The following TNIK variants were observed in gnomAD, a reference collection of about 807,000 sequenced individuals.
TNIK encodes TRAF2 and NCK-interacting protein kinase.
Under a neutral mutation model 191.3 loss-of-function variants are expected in TNIK, and 49 were observed. That is an observed-to-expected ratio of 0.26 (90% CI 0.20 to 0.32). The LOEUF (loss-of-function observed/expected upper bound fraction) is 0.32. Ranked by LOEUF, TNIK falls within the 10% of genes least tolerant of loss-of-function variation. TNIK has a pLI of 1.00. For missense variants in TNIK, 1,155 were observed against 1,702.3 expected, an observed-to-expected ratio of 0.68 and a Z score of 5.66; for synonymous variants, 594 against 600.9, an observed-to-expected ratio of 0.99 and a Z score of 0.17.
chr3:171,146,966 C>T (rs1271617058), intron 12 of TNIK, among the ~76,000 whole-genome samples: 1 of 150,632 alleles, frequency 6.6e-6, no homozygotes, highest in East Asian at 2.0e-4. Flanking sequence ...TTCAGCTAAA[C>T]TTTCAATGAG....
At chr3:171,171,093 A>G (rs1315441864) in intron 9 of TNIK, among the ~76,000 whole-genome samples, 2 of 152,174 alleles carry the variant, frequency 1.3e-5, no homozygotes, top group African/African-American at 4.8e-5. Context: ...CTAAGTAAAC[A>G]TAGAGTTCTT....
intron 19 of TNIK, among the ~76,000 whole-genome samples, chr3:171,108,474 C>A (rs191533085): frequency 1.3e-5 from 2 of 152,184 alleles, no homozygotes; most frequent in African/African-American, 4.8e-5. Context: ...CTCATTTAAT[C>A]CTCACTCCAA....
intron 1 of TNIK, among the ~76,000 whole-genome samples, chr3:171,386,764 A>T (rs1397244028): frequency 6.6e-6 from 1 of 152,226 alleles, no homozygotes; most frequent in Non-Finnish European, 1.5e-5. Flanking sequence ...GTCAAGTATC[A>T]TTCACATCCA....
chr3:171,307,905 C>A (rs1294882031), intron 2 of TNIK, among the ~76,000 whole-genome samples: 1 of 152,084 alleles, frequency 6.6e-6, no homozygotes, highest in Non-Finnish European at 1.5e-5. Context: ...CACGAGATGA[C>A]GTTATCACTC....
chr3:171,315,204 C>T (rs1577449048), intron 2 of TNIK, among the ~76,000 whole-genome samples: 1 of 152,038 alleles, frequency 6.6e-6, no homozygotes, highest in East Asian at 1.9e-4. Flanking sequence ...ATTTATATCC[C>T]CCTTGGCCAC....
intron 1 of TNIK, among the ~76,000 whole-genome samples, chr3:171,432,926 C>A (rs773606840): frequency 1.3e-5 from 2 of 152,076 alleles, no homozygotes; most frequent in Non-Finnish European, 2.9e-5. Flanking sequence ...AATATCTTCA[C>A]ATTTTAATTT....
intron 16 of TNIK, among the ~76,000 whole-genome samples, chr3:171,126,694 T>C (rs1243818271): frequency 6.6e-6 from 1 of 152,236 alleles, no homozygotes; most frequent in Admixed American, 6.5e-5. Context: ...TGCTGGAGCA[T>C]GGACTGGACC....
intron 2 of TNIK, among the ~76,000 whole-genome samples, chr3:171,343,951 C>T (rs926356584): frequency 6.6e-6 from 1 of 152,166 alleles, no homozygotes; most frequent in African/African-American, 2.4e-5. Context: ...ACAAACCAAG[C>T]CTTCGACAGT....
intron 1 of TNIK, among the ~76,000 whole-genome samples, chr3:171,435,951 G>T (rs1725981057): frequency 6.6e-6 from 1 of 152,172 alleles, no homozygotes; most frequent in African/African-American, 2.4e-5. Context: ...GTTCTGGAGT[G>T]GGGGCAGTAG....
chr3:171,066,101 T>C (rs1718403753), intron 32 of TNIK, 86 bp downstream of exon 32: 2 of 1,525,620 alleles, frequency 1.3e-6, no homozygotes, highest in Non-Finnish European at 1.8e-6. Context: ...GTGATTCAAA[T>C]CAGTATAAAG....
chr3:171,443,864 A>G (rs1727148675), intron 1 of TNIK, among the ~76,000 whole-genome samples: 1 of 152,162 alleles, frequency 6.6e-6, no homozygotes, highest in Non-Finnish European at 1.5e-5. Flanking sequence ...CAATTCCCTG[A>G]TACTTTAATG....
Position 171,101,564 on chromosome 3 carries a change from C to A in TNIK, c.2476G>T (p.Val826Leu). 1 of 1,613,506 alleles carries A rather than the reference C, an allele frequency of 6.2e-7. No individual in the cohort carries two copies. Residue 826 changes from valine (V) to leucine (L), a missense_variant, in exon 22 of 33, where the codon GTG becomes TTG. By Grantham distance (32) the Val-to-Leu change is conservative. Around this residue, in one of 3 missense-constraint regions of TNIK, gnomAD observed 735 missense variants for 848.0 expected, o/e 0.87. Transcript: ENST00000436636. The stretch of plus-strand genomic sequence containing the variant: ...TCACTGGAGGAGGAGTAATCAGTCA[C>A]CTTCTTCATTGGGCGGTTTGTTTCT... ...IEETNRPMKK[V>L]TDYSSSSEES...
chr3:171,359,055 C>T (rs1446146862), intron 2 of TNIK, among the ~76,000 whole-genome samples: 2 of 152,096 alleles, frequency 1.3e-5, no homozygotes, highest in African/African-American at 2.4e-5. Flanking sequence ...GGTTGCACAA[C>T]AATGTGAATG....
intron 14 of TNIK, 76 bp downstream of exon 14, chr3:171,139,374 GCGCGCACACACACACACACA>G (rs1560168751): frequency 1.8e-6 from 1 of 567,214 alleles, no homozygotes; most frequent in African/African-American, 2.7e-5. Flanking sequence ...ACACACGCAC[GCGCGCACACACACACACACA>G]CACACACACA....
At chr3:171,320,541 C>T (rs1755065958) in intron 2 of TNIK, among the ~76,000 whole-genome samples, 1 of 152,132 alleles carries the variant, frequency 6.6e-6, no homozygotes, top group South Asian at 2.1e-4. Flanking sequence ...AGGATAAAGT[C>T]ACTACTTGAT....
intron 2 of TNIK, among the ~76,000 whole-genome samples, chr3:171,348,617 C>T (rs1712638083): frequency 6.6e-6 from 1 of 152,160 alleles, no homozygotes; most frequent in Non-Finnish European, 1.5e-5. Flanking sequence ...ATTTGTCTTA[C>T]ACCAATGAGG....
At chr3:171,143,331 AC>A (rs1235062438) in intron 12 of TNIK, among the ~76,000 whole-genome samples, 12 of 152,188 alleles carry the variant, frequency 7.9e-5, no homozygotes. Flanking sequence ...TATAAAAAAA[AC>A]ATATCAATGC....
At chr3:171,229,539 A>T (rs1398902822) in intron 2 of TNIK, among the ~76,000 whole-genome samples, 1 of 152,206 alleles carries the variant, frequency 6.6e-6, no homozygotes, top group Non-Finnish European at 1.5e-5. Context: ...AGAAAACATT[A>T]GTGGGTCAAT....
rs9825422 is a variant in TNIK at position 171,314,408 on chromosome 3, A to G, written c.123+55212T>C. 5.2e-3 allele frequency among the ~76,000 whole-genome samples: 798 copies of G among 152,286 alleles called. 12 individuals are homozygous for G. Among genetic ancestry groups the G allele is most frequent in the African/African-American group, 0.018 (763 of 41,576 alleles). On this transcript the variant is annotated intron_variant, in intron 2 of 32. Coordinates refer to ENST00000436636, the MANE Select transcript of TNIK (RefSeq NM_015028.4). ...CAATCCTCCATGACAGCGAGACCAG[A>G]AGATCCATGTAGAGCCTATGGCTGA...
Sources: allele counts gnomAD v4.1 joint callset (sites outside exome capture counted in the v4.1 genomes callset), GRCh38; gene constraint gnomAD v4.1.1; regional missense constraint gnomAD v4.1.1; transcripts MANE v1.5; gene names NCBI Gene and HGNC (gene_info 2026-07-23, HGNC 2026-07-21).